LRPPRC: variants seen among roughly 807,000 people sequenced by gnomAD.
LRPPRC encodes leucine-rich PPR motif-containing protein, mitochondrial.
A neutral mutation model predicts 180.3 loss-of-function variants in LRPPRC; 120 were observed. That is an observed-to-expected ratio of 0.67 (90% CI 0.57 to 0.77). The LOEUF (loss-of-function observed/expected upper bound fraction) is 0.77, where lower values mean the gene tolerates loss of function less well. Among genes scored for constraint, LRPPRC ranks in the 30% least tolerant of loss-of-function variants. LRPPRC has a pLI of 0.00. For missense variants in LRPPRC, 2,012 were observed against 1,657.2 expected, an observed-to-expected ratio of 1.21 and a Z score of -3.72; for synonymous variants, 723 against 600.0, an observed-to-expected ratio of 1.21 and a Z score of -3.00.
chr2:43,898,061 T>G (rs1670749267), intron 34 of LRPPRC, among the ~76,000 whole-genome samples: 1 of 123,926 alleles, frequency 8.1e-6, no homozygotes, highest in Non-Finnish European at 1.6e-5. Context: ...AACTGCCTTT[T>G]CCTTAAAATT....
rs758791830 is a variant in LRPPRC at position 43,977,201 on chromosome 2, G to C, written c.545C>G (p.Thr182Ser). The C allele has an allele frequency of 8.1e-6, 13 of 1,607,530 alleles. No homozygotes were observed. The highest frequency in any genetic ancestry group is 9.4e-6 in the Non-Finnish European group (11 of 1,174,100). ...YLQNEYKFSPTDFLAKMEEAN... is the reference protein window; with the variant it reads ...YLQNEYKFSPSDFLAKMEEAN... ...TTCCTCCATTTTTGCCAGGAAATCA[G>C]TTGGTGAGAATTTATATTCATTTTG... The change falls in exon 4 of 38, where the codon ACT (threonine) becomes AGT (serine). Residue 182 changes from threonine (T) to serine (S), a missense_variant. Coordinates refer to ENST00000260665, the MANE Select transcript of LRPPRC (RefSeq NM_133259.4).
At chr2:43,890,038 T>C (rs1670430709) in intron 36 of LRPPRC, among the ~76,000 whole-genome samples, 162 bp from the exon 37 acceptor site, 2 of 152,190 alleles carry the variant, frequency 1.3e-5, no homozygotes, top group African/African-American at 4.8e-5. Flanking sequence ...ACCATCTCCC[T>C]CACTTCTCTA....
At chr2:43,963,412 C>T in intron 12 of LRPPRC, 176 bp downstream of exon 12, 1 of 644,958 alleles carries the variant, frequency 1.6e-6, no homozygotes, top group African/African-American at 1.8e-5. Context: ...CCATTGCACT[C>T]CTGCCTGGGC....
intron 11 of LRPPRC, among the ~76,000 whole-genome samples, chr2:43,967,485 A>G (rs1180802979): frequency 2.0e-5 from 3 of 152,200 alleles, no homozygotes; most frequent in South Asian, 2.1e-4. Context: ...AAATAACCTA[A>G]TATCTTCAAA....
intron 11 of LRPPRC, among the ~76,000 whole-genome samples, chr2:43,969,426 A>G (rs1453798800): frequency 2.0e-5 from 3 of 151,198 alleles, no homozygotes; most frequent in South Asian, 2.1e-4. Context: ...AAAAAAAAAG[A>G]AACCAAGTCT....
At chr2:43,969,865 A>G (rs1302342496) in intron 11 of LRPPRC, among the ~76,000 whole-genome samples, 1 of 152,070 alleles carries the variant, frequency 6.6e-6, no homozygotes, top group African/African-American at 2.4e-5. Flanking sequence ...TTGTAGAGAC[A>G]GGATTTTGCC....
At chr2:43,924,419 G>A (rs1003633295) in intron 27 of LRPPRC, among the ~76,000 whole-genome samples, 1 of 152,150 alleles carries the variant, frequency 6.6e-6, no homozygotes, top group South Asian at 2.1e-4. Flanking sequence ...TTAAGGATGT[G>A]AATGAAGATT....
intron 37 of LRPPRC, 120 bp downstream of exon 37, chr2:43,889,614 G>T: frequency 3.5e-6 from 3 of 866,514 alleles, no homozygotes; most frequent in Non-Finnish European, 5.8e-6. Context: ...TCCCCTGAGG[G>T]CTCTTCACAG....
intron 11 of LRPPRC, among the ~76,000 whole-genome samples, chr2:43,972,402 C>T (rs1370430522): frequency 6.6e-6 from 1 of 152,146 alleles, no homozygotes. Context: ...GTAATCAATT[C>T]AACTGTGACA....
chr2:43,972,319 T>C (rs184873769), intron 11 of LRPPRC, among the ~76,000 whole-genome samples: 132 of 152,340 alleles, frequency 8.7e-4, no homozygotes, highest in Non-Finnish European at 1.4e-3. Context: ...GCCCATTTTC[T>C]ACTATTTCAA....
At position 43,918,358 on chromosome 2, in the gene LRPPRC, A is replaced by C. The variant is rs755014852; in HGVS notation, c.2937T>G (p.Asn979Lys). Reference protein sequence around the residue: ...GDWQRADAVWNKIQEENVIPR... With the variant: ...GDWQRADAVWKKIQEENVIPR... ...GAATAACATTTTCTTCTTGGATTTT[A>C]TTCCAGACTGCATCAGCTCTTTGCC... Residue 979 changes from asparagine (N) to lysine (K), a missense_variant, in exon 28 of 38, where the codon AAT becomes AAG. Coordinates refer to ENST00000260665, the MANE Select transcript of LRPPRC (RefSeq NM_133259.4). 2 of 1,611,512 alleles carry C rather than the reference A, an allele frequency of 1.2e-6. No homozygotes were observed. The highest frequency in any genetic ancestry group is 3.3e-5 in the Admixed American group (2 of 60,018).
chr2:43,981,612 G>A lies in LRPPRC; in HGVS notation c.346+626C>T, dbSNP rs188446131. Among the ~76,000 whole-genome samples the A allele has an allele frequency of 2.2e-4, 33 of 151,418 alleles. No individual in the cohort carries two copies. In the East Asian group the frequency reaches 6.1e-3, roughly 28 times the overall value. Reference sequence around the variant, plus strand: ...GCAGAGGTTGCAGTGAGCCGAGATCGTACCACTGCACTCCAGCCTGCTGGG... The same window carrying A: ...GCAGAGGTTGCAGTGAGCCGAGATCATACCACTGCACTCCAGCCTGCTGGG... On this transcript the variant is annotated intron_variant, in intron 2 of 37. Coordinates refer to ENST00000260665, the MANE Select transcript of LRPPRC (RefSeq NM_133259.4).
At chr2:43,890,329 C>T (rs1395181849) in intron 36 of LRPPRC, 1 of 469,874 alleles carries the variant, frequency 2.1e-6, no homozygotes, top group Non-Finnish European at 4.4e-6. Flanking sequence ...ACATCAAGAT[C>T]ATCAGCTCAA....
At chr2:43,916,641 A>T (rs1234001184) in intron 29 of LRPPRC, among the ~76,000 whole-genome samples, 1 of 152,216 alleles carries the variant, frequency 6.6e-6, no homozygotes, top group Non-Finnish European at 1.5e-5. Context: ...GAAAAATTTC[A>T]TATGTACAGC....
chr2:43,908,718 G>A (rs1167378567), intron 30 of LRPPRC, among the ~76,000 whole-genome samples: 1 of 152,008 alleles, frequency 6.6e-6, no homozygotes, highest in African/African-American at 2.4e-5. Flanking sequence ...GTAGAGACAG[G>A]GTTTCACCAA....
rs1278990909 is a variant in LRPPRC at position 43,925,048 on chromosome 2, G to A, written c.2896+19C>T. 1.5e-6 allele frequency: 2 copies of A among 1,310,024 alleles called. No individual in the cohort carries two copies. Among genetic ancestry groups the A allele is most frequent in the Admixed American group, 3.4e-5 (2 of 59,664 alleles). The allele number at this position is 1,310,024 out of a possible 1,614,324, so 81.2% of individuals were successfully genotyped here. ...TCAACAGAATAAATGAAAGCGTGAAGAATAGTTAAATCACTTACTATACAG... is the reference window on the plus strand; with the variant it reads ...TCAACAGAATAAATGAAAGCGTGAAAAATAGTTAAATCACTTACTATACAG... On this transcript the variant is annotated intron_variant, in intron 27 of 37. Coordinates refer to ENST00000260665, the MANE Select transcript of LRPPRC (RefSeq NM_133259.4).
chr2:43,889,912 A>G (rs1466329532), intron 36 of LRPPRC, 36 bp from the exon 37 acceptor site: 7 of 1,500,188 alleles, frequency 4.7e-6, no homozygotes, highest in Non-Finnish European at 6.5e-6. Flanking sequence ...ATCAGAGATA[A>G]AGACAACCTA....
In LRPPRC at chr2:43,948,881, G is replaced by GT. The variant is rs369333710; in HGVS notation, c.1736-364dup. 8.1e-3 allele frequency among the ~76,000 whole-genome samples: 1,181 copies of GT among 146,100 alleles called. 14 individuals carry two copies. The highest frequency in any genetic ancestry group is 0.023 in the African/African-American group (917 of 40,146). ...AATGTCTTGTACACATTTCTATACT[G>GT]TTTTTTTTTTGTGGACAATATTTAG... is the stretch of plus-strand genomic sequence containing the variant. On this transcript the variant is annotated intron_variant, in intron 16 of 37. Coordinates refer to ENST00000260665, the MANE Select transcript of LRPPRC (RefSeq NM_133259.4).
intron 11 of LRPPRC, among the ~76,000 whole-genome samples, chr2:43,969,356 G>C (rs1673702100): frequency 2.0e-5 from 3 of 150,730 alleles, no homozygotes; most frequent in South Asian, 4.2e-4. Flanking sequence ...AGCTTGCAGT[G>C]AGCCGACATC....
Sources: allele counts gnomAD v4.1 joint callset (sites outside exome capture counted in the v4.1 genomes callset), GRCh38; gene constraint gnomAD v4.1.1; transcripts MANE v1.5; gene names NCBI Gene and HGNC (gene_info 2026-07-23, HGNC 2026-07-21).